Variants in ITGBL1 observed in about 807,000 individuals in gnomAD.
ITGBL1 encodes integrin beta-like protein 1.
A neutral mutation model predicts 68.5 loss-of-function variants in ITGBL1; 51 were observed. The observed-to-expected ratio is 0.74, with a 90% CI of 0.59 to 0.94. The LOEUF (loss-of-function observed/expected upper bound fraction) is 0.94, where lower values mean the gene tolerates loss of function less well. ITGBL1 is among the 40% of genes least tolerant of loss of function. ITGBL1 has a pLI of 0.00. For missense variants in ITGBL1, 649 were observed against 647.4 expected (o/e 1.00, Z -0.03); for synonymous variants, 209 against 227.3 (o/e 0.92, Z 0.72).
At chr13:101,540,104 G>A (rs1321562720) in intron 2 of ITGBL1, among the ~76,000 whole-genome samples, 1 of 152,078 alleles carries the variant, frequency 6.6e-6, no homozygotes, top group East Asian at 1.9e-4. Context: ...TGCTTTTGGT[G>A]TTTTAGACAT....
At chr13:101,669,097 A>G (rs961846467) in intron 7 of ITGBL1, among the ~76,000 whole-genome samples, 2 of 151,632 alleles carry the variant, frequency 1.3e-5, no homozygotes, top group African/African-American at 4.9e-5. Flanking sequence ...ACAAGGAAGT[A>G]AGATACCTTT....
chr13:101,663,172 T>C (rs2033130570), intron 7 of ITGBL1, among the ~76,000 whole-genome samples: 1 of 152,180 alleles, frequency 6.6e-6, no homozygotes, highest in Non-Finnish European at 1.5e-5. Flanking sequence ...TATATGTACA[T>C]TACATAGTAA....
chr13:101,547,746 G>A (rs1039940753), intron 2 of ITGBL1, among the ~76,000 whole-genome samples: 5 of 151,654 alleles, frequency 3.3e-5, no homozygotes, highest in East Asian at 3.9e-4. Context: ...AATGTTTGAC[G>A]TGATAGATCT....
chr13:101,693,709 C>T (rs9300690), intron 8 of ITGBL1, among the ~76,000 whole-genome samples: 85,148 of 151,800 alleles, frequency 0.56, 24,426 homozygotes, highest in African/African-American at 0.69. Flanking sequence ...ATCAATCATC[C>T]ATATGCCTGT....
rs558031224 is a variant in ITGBL1 at position 101,634,049 on chromosome 13, T to G, written c.1015+35750T>G. On this transcript the variant is annotated intron_variant, in intron 7 of 10. Transcript: ENST00000376180. ...GAGAAAAGTTATCAATAGTACTAGT[T>G]TAACCTTTTAATTATAATATTCTAA... Among the ~76,000 whole-genome samples, 457 of 152,266 alleles carry G rather than the reference T, an allele frequency of 3.0e-3. 2 individuals carry two copies. Among genetic ancestry groups the G allele is most frequent in the African/African-American group, 0.01 (436 of 41,546 alleles).
intron 8 of ITGBL1, among the ~76,000 whole-genome samples, chr13:101,695,252 C>T (rs2033975675): frequency 1.3e-5 from 2 of 152,120 alleles, no homozygotes; most frequent in Admixed American, 6.5e-5. Flanking sequence ...TAATAGGATA[C>T]ATGGAACTTG....
intron 2 of ITGBL1, among the ~76,000 whole-genome samples, chr13:101,525,304 A>G (rs1455941674): frequency 6.6e-6 from 1 of 152,144 alleles, no homozygotes; most frequent in Non-Finnish European, 1.5e-5. Flanking sequence ...TCATTCAAGC[A>G]TTGTTCACAA....
intron 2 of ITGBL1, among the ~76,000 whole-genome samples, chr13:101,457,530 G>A (rs1388533551): frequency 2.0e-5 from 3 of 152,188 alleles, no homozygotes; most frequent in Non-Finnish European, 2.9e-5. Context: ...CTTGTTCGTG[G>A]CACATGCATC....
chr13:101,643,332 A>C (rs2032453062), intron 7 of ITGBL1, among the ~76,000 whole-genome samples: 1 of 151,034 alleles, frequency 6.6e-6, no homozygotes, highest in Non-Finnish European at 1.5e-5. Context: ...AGCAATTGTG[A>C]ATGGGAGTTC....
intron 7 of ITGBL1, among the ~76,000 whole-genome samples, chr13:101,623,169 A>ATT (rs1160552111): frequency 6.6e-6 from 1 of 152,094 alleles, no homozygotes; most frequent in Non-Finnish European, 1.5e-5. Context: ...CCCTTTAAAA[A>ATT]TAATTTACTA....
chr13:101,478,141 C>T (rs1321949689), intron 2 of ITGBL1, among the ~76,000 whole-genome samples: 3 of 152,028 alleles, frequency 2.0e-5, no homozygotes, highest in Non-Finnish European at 4.4e-5. Context: ...TTCATCATGA[C>T]TAAGTGGGAT....
chr13:101,651,194 A>G (rs1233117335), intron 7 of ITGBL1, among the ~76,000 whole-genome samples: 2 of 152,074 alleles, frequency 1.3e-5, no homozygotes, highest in African/African-American at 2.4e-5. Context: ...AAGGGTATTT[A>G]TGCTTCTAGA....
intron 2 of ITGBL1, among the ~76,000 whole-genome samples, chr13:101,547,942 T>C (rs9518440): frequency 0.13 from 19,323 of 151,404 alleles, 1,779 homozygotes; most frequent in African/African-American, 0.26. Flanking sequence ...TATACACACA[T>C]GTATATACAC....
chr13:101,551,678 T>G (rs910316131), intron 2 of ITGBL1, among the ~76,000 whole-genome samples: 1 of 152,228 alleles, frequency 6.6e-6, no homozygotes, highest in Admixed American at 6.5e-5. Flanking sequence ...GATTATGTTT[T>G]CTGTTTTTCA....
At chr13:101,488,911 C>G (rs1366551446) in intron 2 of ITGBL1, among the ~76,000 whole-genome samples, 2 of 152,102 alleles carry the variant, frequency 1.3e-5, no homozygotes, top group South Asian at 2.1e-4. Context: ...TTTCAGGAAG[C>G]CATTTTGCCT....
intron 2 of ITGBL1, among the ~76,000 whole-genome samples, chr13:101,557,380 C>A (rs889364865): frequency 2.0e-5 from 3 of 152,196 alleles, no homozygotes; most frequent in Non-Finnish European, 4.4e-5. Context: ...CATAGACACA[C>A]ATATATGCAC....
At chr13:101,474,513 GAACA>G (rs1274103374) in intron 2 of ITGBL1, among the ~76,000 whole-genome samples, 59 of 152,250 alleles carry the variant, frequency 3.9e-4, no homozygotes, top group African/African-American at 1.3e-3. Context: ...CTGAAGGGAG[GAACA>G]CAATCCTGGC....
chr13:101,660,242 T>A (rs2033047806), intron 7 of ITGBL1, among the ~76,000 whole-genome samples: 1 of 152,160 alleles, frequency 6.6e-6, no homozygotes, highest in African/African-American at 2.4e-5. Context: ...TTAGGGGTTT[T>A]TTCAAAGATA....
At chr13:101,527,987 TATGCTTTGAAGGTAAA>T (rs2049408494) in intron 2 of ITGBL1, among the ~76,000 whole-genome samples, 1 of 151,972 alleles carries the variant, frequency 6.6e-6, no homozygotes, top group Admixed American at 6.6e-5. Flanking sequence ...TTTCTTATTG[TATGCTTTGAAGGTAAA>T]ATGTTTATGG....
Sources: gnomAD v4.1 joint callset for allele counts (sites outside exome capture counted in the v4.1 genomes callset) on GRCh38, gnomAD v4.1.1 for gene constraint, MANE v1.5 for transcripts, NCBI Gene and HGNC (gene_info 2026-07-23, HGNC 2026-07-21) for gene names.